The following PCSK5 variants were observed in gnomAD, a reference collection of about 807,000 sequenced individuals.
PCSK5 encodes prohormone convertase 5.
Under a neutral mutation model 233.2 loss-of-function variants are expected in PCSK5, and 129 were observed. The observed-to-expected ratio is 0.55, with a 90% CI of 0.48 to 0.64. The LOEUF is 0.64. Among genes scored for constraint, PCSK5 ranks in the 30% least tolerant of loss-of-function variants. The pLI is 0.00. For synonymous variants in PCSK5, 825 were observed against 879.2 expected (o/e 0.94, Z 1.09); for missense variants, 2,076 against 2,430.1 (o/e 0.85, Z 3.06).
At chr9:75,970,203 C>G (rs1449289032) in intron 2 of PCSK5, among the ~76,000 whole-genome samples, 1 of 152,154 alleles carries the variant, frequency 6.6e-6, no homozygotes. Flanking sequence ...CAGTAACCAT[C>G]ACACCTTCTT....
rs1301010089 is a variant in PCSK5 at position 76,175,117 on chromosome 9, G to A, written c.1888G>A (p.Glu630Lys). 1 of 1,614,146 alleles carries A rather than the reference G, an allele frequency of 6.2e-7. No individual in the cohort carries two copies. The highest frequency in any genetic ancestry group is 8.5e-7 in the Non-Finnish European group (1 of 1,180,014). The change falls in exon 14 of 38, where the codon GAG becomes AAG. Residue 630 changes from glutamate to lysine, a missense_variant. Glu to Lys is a moderately conservative substitution (Grantham distance 56, BLOSUM62 1). This residue lies in a region of PCSK5 where 84 missense variants were observed against 108.8 expected (regional missense o/e 0.77). Coordinates refer to ENST00000674117, the MANE Select transcript of PCSK5 (RefSeq NM_001372043.1). ...AGACCCCACAGACGACTATGGCACA[G>A]AGGATTATGCAGGTGAGCTGGCTTC... ...VEDPTDDYGT[E>K]DYAGPCDPEC...
At chr9:75,977,904 C>G (rs1281688455) in intron 2 of PCSK5, among the ~76,000 whole-genome samples, 1 of 151,732 alleles carries the variant, frequency 6.6e-6, no homozygotes, top group Non-Finnish European at 1.5e-5. Flanking sequence ...AGCCACCGCG[C>G]CCGGCCAAGA....
chr9:76,131,797 G>A (rs895826767), intron 9 of PCSK5, among the ~76,000 whole-genome samples: 6 of 152,092 alleles, frequency 3.9e-5, no homozygotes, highest in Admixed American at 1.3e-4. Flanking sequence ...CAGGTAACAT[G>A]AGACATTGAC....
intron 3 of PCSK5, among the ~76,000 whole-genome samples, chr9:75,999,449 T>C (rs949335689): frequency 4.6e-5 from 7 of 152,318 alleles, no homozygotes; most frequent in African/African-American, 1.7e-4. Flanking sequence ...AAACCAGTCA[T>C]TAGCATTGTT....
chr9:76,245,421 T>A (rs1826559724), intron 24 of PCSK5, among the ~76,000 whole-genome samples: 1 of 152,138 alleles, frequency 6.6e-6, no homozygotes, highest in South Asian at 2.1e-4. Context: ...AAGGATTTTT[T>A]AAAAAAAGAG....
At chr9:76,180,265 T>C (rs1432567089) in intron 15 of PCSK5, among the ~76,000 whole-genome samples, 2 of 152,084 alleles carry the variant, frequency 1.3e-5, no homozygotes, top group Non-Finnish European at 2.9e-5. Context: ...TTATTAACTC[T>C]AGTCATCATG....
chr9:75,989,355 G>A (rs1419098479), intron 3 of PCSK5, among the ~76,000 whole-genome samples: 1 of 152,142 alleles, frequency 6.6e-6, no homozygotes, highest in Non-Finnish European at 1.5e-5. Context: ...TTAGCTGGAC[G>A]AGGTGGCGTG....
chr9:75,984,675 G>C (rs189503755), intron 2 of PCSK5, among the ~76,000 whole-genome samples: 1 of 152,258 alleles, frequency 6.6e-6, no homozygotes, highest in African/African-American at 2.4e-5. Flanking sequence ...TGGAATACTT[G>C]TTACATTTCC....
chr9:75,907,922 A>G (rs992685430), intron 1 of PCSK5, among the ~76,000 whole-genome samples: 4 of 152,096 alleles, frequency 2.6e-5, no homozygotes, highest in East Asian at 1.9e-4. Context: ...TAAGCTGTAC[A>G]CTCTTGTGAT....
intron 10 of PCSK5, among the ~76,000 whole-genome samples, chr9:76,136,499 T>G (rs1386680901): frequency 6.6e-6 from 1 of 152,096 alleles, no homozygotes; most frequent in African/African-American, 2.4e-5. Context: ...TTGCAGGTCT[T>G]GCTTAGCAGG....
intron 10 of PCSK5, among the ~76,000 whole-genome samples, chr9:76,152,240 G>A (rs991712109): frequency 6.6e-6 from 1 of 152,122 alleles, no homozygotes; most frequent in Non-Finnish European, 1.5e-5. Context: ...CCAGGAATGA[G>A]GGAATTCCCA....
intron 7 of PCSK5, among the ~76,000 whole-genome samples, chr9:76,086,539 G>A (rs74748516): frequency 6.8e-4 from 104 of 152,172 alleles, no homozygotes; most frequent in African/African-American, 2.3e-3. Flanking sequence ...TGACATCGAG[G>A]GACTATTAAA....
At chr9:76,344,392 A>T (rs1829921696) in intron 35 of PCSK5, among the ~76,000 whole-genome samples, 1 of 152,272 alleles carries the variant, frequency 6.6e-6, no homozygotes, top group Non-Finnish European at 1.5e-5. Flanking sequence ...AAACTCTACC[A>T]TATCATGGTT....
At chr9:76,102,129 G>A (rs946012666) in intron 8 of PCSK5, among the ~76,000 whole-genome samples, 2 of 152,182 alleles carry the variant, frequency 1.3e-5, no homozygotes, top group Non-Finnish European at 2.9e-5. Context: ...GCTGGGTCAC[G>A]AGGCTAGTTG....
At chr9:76,320,486 T>TTTTTA (rs1829164175) in intron 30 of PCSK5, among the ~76,000 whole-genome samples, 1 of 123,228 alleles carries the variant, frequency 8.1e-6, no homozygotes. Flanking sequence ...TTTTTTTTTT[T>TTTTTA]GAGACAGAAT....
chr9:76,029,158 A>G (rs1423584987), intron 5 of PCSK5, among the ~76,000 whole-genome samples: 3 of 152,102 alleles, frequency 2.0e-5, no homozygotes, highest in African/African-American at 4.8e-5. Flanking sequence ...TACTTAACGC[A>G]GGCCAGGCTG....
chr9:76,269,861 CT>C (rs996314763), intron 24 of PCSK5, among the ~76,000 whole-genome samples: 30 of 152,170 alleles, frequency 2.0e-4, no homozygotes, highest in African/African-American at 7.0e-4. Flanking sequence ...GGCTCCAAAC[CT>C]AGAGGGAAAG....
intron 30 of PCSK5, among the ~76,000 whole-genome samples, chr9:76,319,158 C>T (rs1239806664): frequency 6.6e-6 from 1 of 151,986 alleles, no homozygotes; most frequent in African/African-American, 2.4e-5. Flanking sequence ...AGACATCAAT[C>T]AATATATGTA....
At chr9:76,133,209 CTTAG>C (rs1286010407) in intron 9 of PCSK5, among the ~76,000 whole-genome samples, 2 of 152,056 alleles carry the variant, frequency 1.3e-5, no homozygotes, top group Non-Finnish European at 2.9e-5. Flanking sequence ...TGTCATATTT[CTTAG>C]TTAAGTAAAA....
Sources: allele counts gnomAD v4.1 joint callset (sites outside exome capture counted in the v4.1 genomes callset), GRCh38; gene constraint gnomAD v4.1.1; regional missense constraint gnomAD v4.1.1; transcripts MANE v1.5; gene names NCBI Gene and HGNC (gene_info 2026-07-23, HGNC 2026-07-21).